PLPP4: variants seen among roughly 807,000 people sequenced by gnomAD.
The protein encoded by PLPP4 is diacylglycerol pyrophosphate like 2.
Under a neutral mutation model 32.2 loss-of-function variants are expected in PLPP4, and 20 were observed. The observed-to-expected ratio is 0.62, with a 90% CI of 0.44 to 0.90. The LOEUF is 0.90. Among genes scored for constraint, PLPP4 ranks in the 40% least tolerant of loss-of-function variants. PLPP4 has a pLI of 0.00. For missense variants in PLPP4, 257 were observed against 353.1 expected (o/e 0.73, Z 2.18); for synonymous variants, 127 against 133.0 (o/e 0.95, Z 0.31).
chr10:120,480,232 G>GC (rs1844133270), intron 1 of PLPP4, among the ~76,000 whole-genome samples: 2 of 152,134 alleles, frequency 1.3e-5, no homozygotes, highest in Admixed American at 1.3e-4. Context: ...TGAGTGTGTT[G>GC]CCCCCTTGAG....
intron 5 of PLPP4, among the ~76,000 whole-genome samples, chr10:120,550,071 T>G (rs558261247): frequency 2.0e-5 from 3 of 152,106 alleles, no homozygotes; most frequent in East Asian, 3.9e-4. Flanking sequence ...TATTTGTTTA[T>G]AAAGTCCTAA....
intron 1 of PLPP4, among the ~76,000 whole-genome samples, chr10:120,470,302 T>A (rs1848460143): frequency 6.6e-6 from 1 of 152,270 alleles, no homozygotes; most frequent in Non-Finnish European, 1.5e-5. Flanking sequence ...TGAATTATTC[T>A]TACTGATGTA....
chr10:120,519,630 T>C (rs919328607), intron 4 of PLPP4, among the ~76,000 whole-genome samples: 5 of 152,094 alleles, frequency 3.3e-5, no homozygotes, highest in Admixed American at 6.6e-5. Flanking sequence ...TCTGAGGTTC[T>C]GGTGCATTAG....
chr10:120,517,710 A>T (rs1361880263), intron 3 of PLPP4, among the ~76,000 whole-genome samples: 2 of 151,950 alleles, frequency 1.3e-5, no homozygotes, highest in Non-Finnish European at 2.9e-5. Context: ...TCTGCTTCGG[A>T]TAACTTGTTA....
rs114685157 is a variant in PLPP4, at chr10:120,502,527, T to G, written c.57-1291T>G. On this transcript the variant is annotated intron_variant, in intron 1 of 6. Coordinates refer to ENST00000398250, the MANE Select transcript of PLPP4 (RefSeq NM_001030059.3). ...TTCTGTGGTCTCTGAGTGCCTACAG[T>G]GGCCCAGCAGTGCTACTGGGCTCTG... is the stretch of plus-strand genomic sequence containing the variant. Among the ~76,000 whole-genome samples, 636 of 152,280 alleles carry G rather than the reference T, an allele frequency of 4.2e-3. 7 individuals carry two copies. The highest frequency in any genetic ancestry group is 0.015 in the African/African-American group (603 of 41,552).
chr10:120,581,218 G>A, intron 6 of PLPP4: 3 of 985,392 alleles, frequency 3.0e-6, no homozygotes, highest in Non-Finnish European at 3.6e-6. Context: ...AAGTCTCACT[G>A]GCATCCTTCC....
intron 5 of PLPP4, among the ~76,000 whole-genome samples, chr10:120,571,818 A>G (rs552706710): frequency 6.6e-6 from 1 of 152,348 alleles, no homozygotes; most frequent in South Asian, 2.1e-4. Flanking sequence ...GGCTTCCCAT[A>G]GCTCAGACAT....
At chr10:120,579,958 A>T (rs1849409063) in intron 6 of PLPP4, among the ~76,000 whole-genome samples, 1 of 151,054 alleles carries the variant, frequency 6.6e-6, no homozygotes. Flanking sequence ...AAAAAAAAAA[A>T]AATACAAAAA....
chr10:120,463,123 G>T (rs748644695), intron 1 of PLPP4, among the ~76,000 whole-genome samples: 1 of 147,798 alleles, frequency 6.8e-6, no homozygotes, highest in African/African-American at 2.5e-5. Flanking sequence ...CGCCTCCTGG[G>T]TTCATGCCAT....
intron 1 of PLPP4, among the ~76,000 whole-genome samples, chr10:120,500,901 A>G (rs149834538): frequency 7.9e-5 from 12 of 152,294 alleles, no homozygotes; most frequent in African/African-American, 2.6e-4. Flanking sequence ...TCCCAACAAG[A>G]TTGTTTTATA....
chr10:120,531,527 C>T (rs1846721842), intron 5 of PLPP4, among the ~76,000 whole-genome samples: 1 of 152,040 alleles, frequency 6.6e-6, no homozygotes, highest in Non-Finnish European at 1.5e-5. Flanking sequence ...TTTTCCTGCC[C>T]TCAAGTTACA....
At chr10:120,517,455 T>C (rs2133900215) in intron 3 of PLPP4, among the ~76,000 whole-genome samples, 1 of 152,306 alleles carries the variant, frequency 6.6e-6, no homozygotes, top group South Asian at 2.1e-4. Context: ...GATCTGTGTG[T>C]TCAGAATGCA....
chr10:120,586,450 G>C (rs1426099810), intron 6 of PLPP4, among the ~76,000 whole-genome samples: 1 of 152,128 alleles, frequency 6.6e-6, no homozygotes, highest in African/African-American at 2.4e-5. Context: ...CCTTGGTAGA[G>C]TCTCCAAATA....
chr10:120,462,040 G>C (rs1440294268), intron 1 of PLPP4, among the ~76,000 whole-genome samples: 1 of 152,228 alleles, frequency 6.6e-6, no homozygotes, highest in Admixed American at 6.5e-5. Flanking sequence ...GACAGTTGGA[G>C]CAAGGTGCTA....
intron 5 of PLPP4, among the ~76,000 whole-genome samples, chr10:120,537,710 A>T (rs931018543): frequency 7.2e-5 from 11 of 152,186 alleles, no homozygotes; most frequent in African/African-American, 2.7e-4. Flanking sequence ...AAAGGTAACT[A>T]TGTGAGGTGA....
rs1300594463 is a variant in PLPP4 at position 120,563,786 on chromosome 10, G to A, written c.446-11345G>A. 2.3e-4 allele frequency among the ~76,000 whole-genome samples: 20 copies of A among 86,844 alleles called. 2 individuals carry two copies. The highest frequency in any genetic ancestry group is 1.9e-4 in the Non-Finnish European group (8 of 42,776). 57.0% of individuals were successfully genotyped at this position (86,844 alleles called of 152,430 possible). Reference sequence around the variant, plus strand: ...CTGCAGTCCGCAGTCCGGCCTGGGCGACAGAGCGAGACTCCGTCTCAAAAA... The same window carrying A: ...CTGCAGTCCGCAGTCCGGCCTGGGCAACAGAGCGAGACTCCGTCTCAAAAA... On this transcript the variant is annotated intron_variant, in intron 5 of 6. Transcript: ENST00000398250.
At chr10:120,569,979 T>G (rs937370547) in intron 5 of PLPP4, among the ~76,000 whole-genome samples, 1 of 152,212 alleles carries the variant, frequency 6.6e-6, no homozygotes, top group Non-Finnish European at 1.5e-5. Context: ...ACACATAGTT[T>G]CTAAAGAGCT....
intron 1 of PLPP4, among the ~76,000 whole-genome samples, chr10:120,474,494 A>G (rs879322636): frequency 2.0e-5 from 3 of 152,098 alleles, no homozygotes; most frequent in African/African-American, 7.2e-5. Context: ...ATTTATTTTT[A>G]TTTATTTTTT....
At chr10:120,518,991 C>A in intron 4 of PLPP4, 95 bp downstream of exon 4, 1 of 850,172 alleles carries the variant, frequency 1.2e-6, no homozygotes. Flanking sequence ...CAGATTTGAG[C>A]TCATCTAGTT....
Sources: allele counts gnomAD v4.1 joint callset (sites outside exome capture counted in the v4.1 genomes callset), GRCh38; gene constraint gnomAD v4.1.1; transcripts MANE v1.5; gene names NCBI Gene and HGNC (gene_info 2026-07-23, HGNC 2026-07-21).